The following CYLD variants were observed in gnomAD, a reference collection of about 807,000 sequenced individuals.
CYLD encodes the protein ubiquitin carboxyl-terminal hydrolase CYLD.
In CYLD, 26 loss-of-function variants were observed where a neutral mutation model predicts 104.5. That is an observed-to-expected ratio of 0.25 (90% CI 0.18 to 0.35). CYLD has a LOEUF of 0.35. CYLD is among the 10% of genes least tolerant of loss of function. The pLI, the probability that CYLD is intolerant of heterozygous loss-of-function variation, is 1.00. For missense variants in CYLD, 703 were observed against 1,136.1 expected (o/e 0.62, Z 5.48); for synonymous variants, 385 against 399.9 (o/e 0.96, Z 0.45).
chr16:50,759,127 GC>G (rs2065160895), intron 5 of CYLD, among the ~76,000 whole-genome samples: 1 of 152,142 alleles, frequency 6.6e-6, no homozygotes, highest in East Asian at 1.9e-4. Flanking sequence ...TGTAGTCCCA[GC>G]TACTCAGGAG....
intron 18 of CYLD, chr16:50,795,502 T>C: frequency 1.4e-6 from 1 of 702,412 alleles, no homozygotes; most frequent in South Asian, 1.5e-5. Flanking sequence ...GGTTGTGAGG[T>C]GTGACTCTCA....
chr16:50,754,926 TAC>T (rs1214587190), intron 5 of CYLD, among the ~76,000 whole-genome samples: 8 of 148,148 alleles, frequency 5.4e-5, no homozygotes, highest in African/African-American at 1.5e-4. Context: ...TATACATATA[TAC>T]ACACATATGT....
chr16:50,759,020 C>T (rs141395067), intron 5 of CYLD, among the ~76,000 whole-genome samples: 36 of 152,244 alleles, frequency 2.4e-4, no homozygotes, highest in Middle Eastern at 3.4e-3. Context: ...GGGCAGATCA[C>T]GTGAGGTCAG....
intron 14 of CYLD, among the ~76,000 whole-genome samples, chr16:50,790,185 C>A (rs545686862): frequency 1.3e-5 from 2 of 152,080 alleles, no homozygotes; most frequent in Non-Finnish European, 2.9e-5. Context: ...CAGGAAGAAC[C>A]AGGACTAAAT....
At chr16:50,790,360 G>A (rs1232469475) in intron 14 of CYLD, among the ~76,000 whole-genome samples, 2 of 151,964 alleles carry the variant, frequency 1.3e-5, no homozygotes, top group African/African-American at 2.4e-5. Flanking sequence ...GCAGTGGTCC[G>A]TTCAACCACC....
intron 4 of CYLD, among the ~76,000 whole-genome samples, chr16:50,753,195 G>C (rs1021453481): frequency 6.6e-6 from 1 of 152,312 alleles, no homozygotes; most frequent in African/African-American, 2.4e-5. Flanking sequence ...TGAAAAGTTA[G>C]AACCAGAGTA....
Position 50,792,702 on chromosome 16 carries a change from G to A in CYLD, c.2347G>A (p.Asp783Asn), listed in dbSNP as rs1208010795. ...ATTAAATATAACAGATTTACTTGAA[G>A]ACAGTAAGTATGAGATTTTTTTAGT... The part of the protein sequence containing the change: ...LELNITDLLE[D>N]TPRQCRICGG... Residue 783 changes from aspartate to asparagine, a missense_variant, in exon 16 of 19, where the codon GAC becomes AAC. By Grantham distance (23) the Asp-to-Asn change is conservative. This residue lies in a region of CYLD where 130 missense variants were observed against 220.2 expected (regional missense o/e 0.59). Transcript: ENST00000427738. 1 of 1,417,282 alleles carries A rather than the reference G, an allele frequency of 7.1e-7. No individual in the cohort carries two copies. The highest frequency in any genetic ancestry group is 9.9e-7 in the Non-Finnish European group (1 of 1,008,578). The allele number at this position is 1,417,282 out of a possible 1,614,324, so 87.8% of individuals were successfully genotyped here. A position where few individuals can be genotyped will look rare whatever the true frequency, so the allele number is the denominator to read the frequency against.
At chr16:50,787,236 T>C in intron 13 of CYLD, 2 of 393,808 alleles carry the variant, frequency 5.1e-6, no homozygotes, top group East Asian at 5.5e-5. Context: ...CTCAGTTGTT[T>C]CTCTCTTGTG....
intron 17 of CYLD, 46 bp downstream of exon 17, chr16:50,793,710 C>A: frequency 8.3e-7 from 1 of 1,203,622 alleles, no homozygotes; most frequent in Non-Finnish European, 1.2e-6. Context: ...TGAACAGTAA[C>A]TTATTTATAG....
chr16:50,792,776 G>C (rs1445558152), intron 16 of CYLD, 71 bp downstream of exon 16: 21 of 820,370 alleles, frequency 2.6e-5, no homozygotes, highest in Non-Finnish European at 4.1e-5. Flanking sequence ...CATCAGTTGT[G>C]GGTTAGACTC....
intron 5 of CYLD, among the ~76,000 whole-genome samples, chr16:50,767,322 A>G (rs1421636951): frequency 1.3e-5 from 2 of 152,226 alleles, no homozygotes; most frequent in African/African-American, 2.4e-5. Flanking sequence ...GGACTACAGT[A>G]TAGTGTAAAC....
intron 3 of CYLD, among the ~76,000 whole-genome samples, chr16:50,751,304 G>A (rs1242898815): frequency 6.6e-6 from 1 of 152,170 alleles, no homozygotes. Context: ...CTATTTTAAA[G>A]TAACATTTTC....
At chr16:50,759,635 C>T (rs1967677929) in intron 5 of CYLD, among the ~76,000 whole-genome samples, 2 of 152,292 alleles carry the variant, frequency 1.3e-5, no homozygotes, top group Non-Finnish European at 2.9e-5. Flanking sequence ...ACTCTCACTG[C>T]TTCATAGTAT....
At chr16:50,742,175 G>A (rs1158899737) in intron 1 of CYLD, 51 bp downstream of exon 1, 5 of 151,966 alleles carry the variant, frequency 3.3e-5, no homozygotes, top group South Asian at 2.1e-4. Flanking sequence ...CCGGGACGCG[G>A]GCTGGGGAGC....
intron 9 of CYLD, 54 bp downstream of exon 9, chr16:50,780,098 A>G: frequency 6.3e-7 from 1 of 1,599,544 alleles, no homozygotes; most frequent in Non-Finnish European, 8.5e-7. Context: ...GGTTTTGTGC[A>G]GATTTCGCCC....
At chr16:50,770,179 C>T (rs916198705) in intron 5 of CYLD, among the ~76,000 whole-genome samples, 13 of 152,222 alleles carry the variant, frequency 8.5e-5, no homozygotes, top group Middle Eastern at 3.4e-3. Flanking sequence ...AGTGCGTATT[C>T]GGTGATATTT....
intron 5 of CYLD, among the ~76,000 whole-genome samples, chr16:50,773,357 G>A (rs1969343182): frequency 6.6e-6 from 1 of 152,194 alleles, no homozygotes; most frequent in Non-Finnish European, 1.5e-5. Context: ...ATCTTGCTGT[G>A]TATACATAAT....
In CYLD at chr16:50,777,654, T is replaced by C. The variant is rs181317273; in HGVS notation, c.1022-171T>C. 2.0e-5 allele frequency among the ~76,000 whole-genome samples: 3 copies of C among 152,272 alleles called. No individual in the cohort carries two copies. The East Asian group carries it at 5.8e-4, about 29-fold the overall frequency. ...ATATTTTTAATATTGTCAAAATGGT[T>C]ACCAAATTTTTAAAAGCTGAAGACA... On this transcript the variant is annotated intron_variant, in intron 7 of 18. Transcript: ENST00000427738.
chr16:50,794,821 A>G lies in CYLD; in HGVS notation c.2686+393A>G. ...TTTTTAGTAGAGATGGGCTTCTGCC[A>G]TGTTGCCCAAGCTGGTCTCAAATTC... On this transcript the variant is annotated intron_variant, in intron 18 of 18. Coordinates refer to ENST00000427738, the MANE Select transcript of CYLD (RefSeq NM_001378743.1). This position sits in a 1 kb window ranked among gnomAD's most constrained non-coding sequence, Gnocchi z 4.1. The G allele has an allele frequency of 3.3e-6, 1 of 307,070 alleles. No homozygotes were observed. 19.0% of individuals were successfully genotyped at this position (307,070 alleles called of 1,614,324 possible).
Sources: gnomAD v4.1 joint callset for allele counts (sites outside exome capture counted in the v4.1 genomes callset) on GRCh38, gnomAD v4.1.1 for gene constraint, gnomAD v4.1.1 regional missense constraint, Gnocchi (gnomAD v3.1) non-coding constraint, MANE v1.5 for transcripts, NCBI Gene and HGNC (gene_info 2026-07-23, HGNC 2026-07-21) for gene names.